Variants in NUMB observed in about 807,000 individuals in gnomAD.
NUMB encodes protein numb homolog.
A neutral mutation model predicts 59.7 loss-of-function variants in NUMB; 29 were observed. That is an observed-to-expected ratio of 0.49 (90% confidence interval 0.36 to 0.66). The LOEUF (loss-of-function observed/expected upper bound fraction) is 0.66. NUMB is among the 30% of genes least tolerant of loss of function. The pLI, the probability that NUMB is intolerant of heterozygous loss-of-function variation, is 0.00. For synonymous variants in NUMB, 288 were observed against 288.2 expected, an observed-to-expected ratio of 1.00 and a Z score of 0.01; for missense variants, 723 against 822.0, an observed-to-expected ratio of 0.88 and a Z score of 1.47.
chr14:73,410,399 A>G (rs1479614212), intron 1 of NUMB, among the ~76,000 whole-genome samples: 1 of 152,228 alleles, frequency 6.6e-6, no homozygotes, highest in Non-Finnish European at 1.5e-5. Flanking sequence ...ATTTTGGGCT[A>G]GGAGTCAGAA....
At chr14:73,436,914 G>C (rs1034480621) in intron 1 of NUMB, among the ~76,000 whole-genome samples, 12 of 151,554 alleles carry the variant, frequency 7.9e-5, no homozygotes, top group African/African-American at 2.9e-4. Context: ...AGGAGGCGGA[G>C]GTTGCAGTAA....
At chr14:73,288,671 C>T (rs1431377647) in intron 8 of NUMB, among the ~76,000 whole-genome samples, 6 of 152,158 alleles carry the variant, frequency 3.9e-5, no homozygotes, top group African/African-American at 1.4e-4. Flanking sequence ...ACCAGCCTGA[C>T]CAACATGGAG....
chr14:73,372,685 C>T (rs1346585789), intron 2 of NUMB, among the ~76,000 whole-genome samples: 2 of 151,580 alleles, frequency 1.3e-5, no homozygotes, highest in Admixed American at 1.3e-4. Flanking sequence ...CTAGAACTGA[C>T]AAAAAACAGT....
chr14:73,416,493 T>C (rs1897133483), intron 1 of NUMB, among the ~76,000 whole-genome samples: 1 of 152,140 alleles, frequency 6.6e-6, no homozygotes, highest in Non-Finnish European at 1.5e-5. Context: ...TGCCCATCCT[T>C]TGACCCAATA....
chr14:73,431,991 C>A (rs1002942342), intron 1 of NUMB, among the ~76,000 whole-genome samples: 1 of 151,876 alleles, frequency 6.6e-6, no homozygotes, highest in Non-Finnish European at 1.5e-5. Context: ...AAAAAAAATT[C>A]AGGTATTTTA....
intron 4 of NUMB, 26 bp from the exon 5 acceptor site, chr14:73,323,230 C>A (rs1381640314): frequency 1.3e-6 from 2 of 1,517,536 alleles, no homozygotes; most frequent in African/African-American, 1.4e-5. Context: ...AAAGTTAGGG[C>A]TATTGCTATG....
chr14:73,386,617 A>G (rs997051902), intron 2 of NUMB, among the ~76,000 whole-genome samples: 2 of 152,198 alleles, frequency 1.3e-5, no homozygotes, highest in African/African-American at 4.8e-5. Flanking sequence ...CCTGATTGCA[A>G]GAAGAAAATC....
chr14:73,353,072 G>GTTGTTTTTTTTTTTTTTTT (rs1893522798), intron 4 of NUMB, among the ~76,000 whole-genome samples: 1 of 58,514 alleles, frequency 1.7e-5, no homozygotes, highest in Non-Finnish European at 3.3e-5. Context: ...AGTTTTTCTT[G>GTTGTTTTTTTTTTTTTTTT]TTTTTTTTTT....
At position 73,411,136 on chromosome 14, in the gene NUMB, A is replaced by G. The variant is rs148240026; in HGVS notation, c.-232-1068T>C. Among the ~76,000 whole-genome samples, 465 of 146,954 alleles carry G rather than the reference A, an allele frequency of 3.2e-3. 3 individuals are homozygous for G. The highest frequency in any genetic ancestry group is 0.011 in the African/African-American group (439 of 39,674). ...AGCCTCAATCTGCCAGGCTCAAGCG[A>G]TCCTCTCACCTCCACCTCCTGAGTA... On this transcript the variant is annotated intron_variant, in intron 1 of 12. Transcript: ENST00000555238.
intron 1 of NUMB, among the ~76,000 whole-genome samples, chr14:73,441,768 A>C (rs1282790390): frequency 6.6e-6 from 1 of 152,012 alleles, no homozygotes; most frequent in African/African-American, 2.4e-5. Context: ...CCTAGCTACT[A>C]GGGAGGCTGA....
chr14:73,446,145 C>T (rs896747992), intron 1 of NUMB, among the ~76,000 whole-genome samples: 1 of 151,732 alleles, frequency 6.6e-6, no homozygotes, highest in African/African-American at 2.4e-5. Context: ...TATAAGCACT[C>T]CCCACCACAC....
In NUMB at chr14:73,284,183, G is replaced by A; in HGVS notation, c.847C>T (p.Leu283Phe). Residue 283 changes from leucine (L) to phenylalanine (F), a missense_variant, in exon 10 of 13, where the codon CTT becomes TTT. This residue lies in a region of NUMB where 317 missense variants were observed against 436.6 expected (regional missense o/e 0.73). Coordinates refer to ENST00000555238, the MANE Select transcript of NUMB (RefSeq NM_001005743.2). Reference protein sequence around the residue: ...RQGSFRGFPALSQKMSPFKRQ... With the variant: ...RQGSFRGFPAFSQKMSPFKRQ... ...TTAAAGGGTGACATCTTCTGGCTAAGAGCAGGAAAACCTCGGAAAGAGCCT... is the reference window on the plus strand; with the variant it reads ...TTAAAGGGTGACATCTTCTGGCTAAAAGCAGGAAAACCTCGGAAAGAGCCT... 6.2e-7 allele frequency: 1 copy of A among 1,614,204 alleles called. No homozygotes were observed. The highest frequency in any genetic ancestry group is 1.1e-5 in the South Asian group (1 of 91,082).
chr14:73,435,138 TGACTAAA>T (rs1463207097), intron 1 of NUMB, among the ~76,000 whole-genome samples: 1 of 152,152 alleles, frequency 6.6e-6, no homozygotes, highest in Admixed American at 6.6e-5. Flanking sequence ...CTCACTAGAA[TGACTAAA>T]ATCAAAGGGA....
intron 3 of NUMB, among the ~76,000 whole-genome samples, chr14:73,359,444 C>A (rs966696154): frequency 1.3e-5 from 2 of 152,196 alleles, no homozygotes; most frequent in African/African-American, 4.8e-5. Context: ...TACAGACTGA[C>A]TTCATTAGAA....
At chr14:73,383,112 C>T (rs552946602) in intron 2 of NUMB, among the ~76,000 whole-genome samples, 1 of 152,316 alleles carries the variant, frequency 6.6e-6, no homozygotes, top group South Asian at 2.1e-4. Flanking sequence ...TGCCACTGCA[C>T]TCCAGCCTCA....
chr14:73,387,770 A>G (rs113439972), intron 2 of NUMB, among the ~76,000 whole-genome samples: 1 of 151,412 alleles, frequency 6.6e-6, no homozygotes, highest in Non-Finnish European at 1.5e-5. Flanking sequence ...CAAAAAAAAA[A>G]CCAAAAAGGC....
At chr14:73,287,578 A>G (rs892930790) in intron 8 of NUMB, among the ~76,000 whole-genome samples, 8 of 151,966 alleles carry the variant, frequency 5.3e-5, no homozygotes, top group South Asian at 2.1e-4. Flanking sequence ...GGGTTTTGCT[A>G]TGTTGGGCAG....
intron 9 of NUMB, among the ~76,000 whole-genome samples, chr14:73,285,869 TCAGCGGAGACTGCGCCA>T (rs1888957760): frequency 2.7e-5 from 4 of 150,744 alleles, no homozygotes; most frequent in African/African-American, 9.8e-5. Flanking sequence ...AAGGCGGCAG[TCAGCGGAGACTGCGCCA>T]CTACATTCCA....
chr14:73,372,305 T>TTTTATATATATA (rs375615684), intron 2 of NUMB, among the ~76,000 whole-genome samples: 1 of 85,998 alleles, frequency 1.2e-5, no homozygotes, highest in African/African-American at 4.5e-5. Context: ...TATATTTCTT[T>TTTTATATATATA]TATATATATA....
Sources: allele counts gnomAD v4.1 joint callset (sites outside exome capture counted in the v4.1 genomes callset), GRCh38; gene constraint gnomAD v4.1.1; regional missense constraint gnomAD v4.1.1; transcripts MANE v1.5; gene names NCBI Gene and HGNC (gene_info 2026-07-23, HGNC 2026-07-21).